The following PLPP3 variants were observed in gnomAD, a reference collection of about 807,000 sequenced individuals.
PLPP3 encodes the protein PAP2 beta.
In PLPP3, 6 loss-of-function variants were observed where a neutral mutation model predicts 29.6. The ratio of observed to expected loss-of-function variants is 0.20; its 90% confidence interval spans 0.11 to 0.40. The LOEUF (loss-of-function observed/expected upper bound fraction) is 0.40, where lower values mean the gene tolerates loss of function less well. Among genes scored for constraint, PLPP3 ranks in the 10% least tolerant of loss-of-function variants. The probability of loss-of-function intolerance (pLI) is 1.00; values close to 1 mark genes in which losing one functional copy is unlikely to be tolerated. For missense variants in PLPP3, 308 were observed against 407.7 expected (o/e 0.76, Z 2.11); for synonymous variants, 152 against 159.7 (o/e 0.95, Z 0.36).
chr1:56,577,057 G>A (rs1646241678), intron 1 of PLPP3, among the ~76,000 whole-genome samples: 1 of 152,192 alleles, frequency 6.6e-6, no homozygotes, highest in African/African-American at 2.4e-5. Flanking sequence ...TCACAAAGTA[G>A]GAGGTAGGAG....
rs370839108 is a variant in PLPP3 at position 56,562,817 on chromosome 1, CATCTT to C, written c.139+16056_139+16060del. ...TTTTCCATCTGTGTGTCCATCTTCT[CATCTT>C]GTCACCTTCTTCCTTAGGGCAGGTT... On this transcript the variant is annotated intron_variant, in intron 1 of 5. Coordinates refer to ENST00000371250, the MANE Select transcript of PLPP3 (RefSeq NM_003713.5). Among the ~76,000 whole-genome samples, 18 of 152,336 alleles carry C rather than the reference CATCTT, an allele frequency of 1.2e-4. No individual in the cohort carries two copies. The East Asian group carries it at 1.9e-3, about 16-fold the overall frequency.
intron 1 of PLPP3, among the ~76,000 whole-genome samples, chr1:56,561,249 G>T (rs1412940782): frequency 6.6e-6 from 1 of 151,500 alleles, no homozygotes; most frequent in Non-Finnish European, 1.5e-5. Context: ...TTTAATAGAA[G>T]CTATCATGGT....
rs1294280647 is a variant in PLPP3, at chr1:56,511,956, G to C, written c.810+20C>G. ...CAGTCCAGGGCTCCACTTGCATATTGAGGACAAGATGCTACTTACTATGCA... is the reference window on the plus strand; with the variant it reads ...CAGTCCAGGGCTCCACTTGCATATTCAGGACAAGATGCTACTTACTATGCA... On this transcript the variant is annotated intron_variant, in intron 5 of 5. Transcript: ENST00000371250. The C allele has an allele frequency of 1.2e-6, 2 of 1,612,612 alleles. No homozygotes were observed. Among genetic ancestry groups the C allele is most frequent in the Admixed American group, 3.3e-5 (2 of 59,808 alleles).
intron 1 of PLPP3, among the ~76,000 whole-genome samples, chr1:56,577,743 G>A (rs1396648607): frequency 1.3e-5 from 2 of 152,104 alleles, no homozygotes; most frequent in Non-Finnish European, 2.9e-5. Context: ...ACAGCTTCTG[G>A]ACCAAATCCG....
At chr1:56,572,989 T>G (rs1385351855) in intron 1 of PLPP3, among the ~76,000 whole-genome samples, 1 of 152,238 alleles carries the variant, frequency 6.6e-6, no homozygotes, top group Non-Finnish European at 1.5e-5. Context: ...TATGTCAGGA[T>G]TCAAACACAG....
At chr1:56,552,066 C>T (rs1261411) in intron 1 of PLPP3, among the ~76,000 whole-genome samples, 73,893 of 151,910 alleles carry the variant, frequency 0.49, 18,531 homozygotes, top group South Asian at 0.6. Context: ...ATGTTCTTTC[C>T]ATATTCCTAT....
rs962995897 is a variant in PLPP3 at position 56,495,008 on chromosome 1, A to G, written c.*1543T>C. On this transcript the variant is annotated 3_prime_UTR_variant, in exon 6 of 6. Coordinates refer to ENST00000371250, the MANE Select transcript of PLPP3 (RefSeq NM_003713.5). The stretch of plus-strand genomic sequence containing the variant: ...GTTGATATTTAAAAAAATTAACTCA[A>G]TGCTTTTTTAAGCAGCTAATGTAAA... 5.2e-5 allele frequency: 8 copies of G among 152,654 alleles called. No homozygotes were observed. Among genetic ancestry groups the G allele is most frequent in the African/African-American group, 1.9e-4 (8 of 41,458 alleles). 9.5% of individuals were successfully genotyped at this position (152,654 alleles called of 1,614,324 possible).
At chr1:56,561,907 C>T (rs564742473) in intron 1 of PLPP3, among the ~76,000 whole-genome samples, 7 of 151,832 alleles carry the variant, frequency 4.6e-5, no homozygotes, top group African/African-American at 7.2e-5. Flanking sequence ...TGGTAGCACA[C>T]GCCTGTAATC....
chr1:56,533,476 C>T (rs1645904376), intron 2 of PLPP3, among the ~76,000 whole-genome samples: 1 of 152,138 alleles, frequency 6.6e-6, no homozygotes, highest in South Asian at 2.1e-4. Context: ...GGAGGGTAGG[C>T]TGCAGAAGAC....
chr1:56,522,676 G>A (rs1645826720), intron 4 of PLPP3, among the ~76,000 whole-genome samples: 1 of 148,486 alleles, frequency 6.7e-6, no homozygotes, highest in African/African-American at 2.6e-5. Context: ...GGATTGGGGG[G>A]AAAAATAAAT....
chr1:56,569,407 C>T (rs1050038680), intron 1 of PLPP3, among the ~76,000 whole-genome samples: 2 of 151,792 alleles, frequency 1.3e-5, no homozygotes, highest in Admixed American at 1.3e-4. Context: ...CTCCTGACCT[C>T]GTGATCTGCC....
At chr1:56,556,652 C>T (rs1646078494) in intron 1 of PLPP3, among the ~76,000 whole-genome samples, 1 of 150,524 alleles carries the variant, frequency 6.6e-6, no homozygotes, top group Non-Finnish European at 1.5e-5. Context: ...GAGACCCTGT[C>T]TCAAAAGAAA....
intron 1 of PLPP3, among the ~76,000 whole-genome samples, chr1:56,542,133 T>C (rs1645974217): frequency 1.3e-5 from 2 of 152,116 alleles, no homozygotes; most frequent in Admixed American, 6.6e-5. Context: ...AAACACTTAA[T>C]GGGCATAAAA....
At chr1:56,523,738 C>A in intron 4 of PLPP3, 85 bp downstream of exon 4, 1 of 1,408,636 alleles carries the variant, frequency 7.1e-7, no homozygotes, top group Non-Finnish European at 1.0e-6. Context: ...TGATGGCATG[C>A]CCCTAAACTA....
In PLPP3 at chr1:56,524,582, G is replaced by A. The variant is rs1193930515; in HGVS notation, c.298-28C>T. ...AAAAGGAATCCAACAGGGGAATTAG[G>A]CAGTATCAAGATTCATCATCAACAC... On this transcript the variant is annotated intron_variant, in intron 2 of 5. Coordinates refer to ENST00000371250, the MANE Select transcript of PLPP3 (RefSeq NM_003713.5). The surrounding 1 kb of genome is among the most constrained non-coding windows in gnomAD (Gnocchi z 4.3). The A allele has an allele frequency of 6.3e-7, 1 of 1,594,596 alleles. No homozygotes were observed. Among genetic ancestry groups the A allele is most frequent in the Non-Finnish European group, 8.6e-7 (1 of 1,164,346 alleles).
chr1:56,566,800 C>T (rs1225644621), intron 1 of PLPP3, among the ~76,000 whole-genome samples: 1 of 152,250 alleles, frequency 6.6e-6, no homozygotes, highest in South Asian at 2.1e-4. Context: ...TATAGATCAA[C>T]TCATTATTCA....
At position 56,554,408 on chromosome 1, in the gene PLPP3, TAAA is replaced by T. The variant is rs1423097568; in HGVS notation, c.140-17299_140-17297del. On this transcript the variant is annotated intron_variant, in intron 1 of 5. Transcript: ENST00000371250. The stretch of plus-strand genomic sequence containing the variant: ...TAACACGGTGAAACCCTGACTCTAC[TAAA>T]AATACAAAAAATGAGCCGGGCGTGT... Among the ~76,000 whole-genome samples, 6 of 151,856 alleles carry T rather than the reference TAAA, an allele frequency of 4.0e-5. No homozygotes were observed. In the East Asian group the frequency reaches 1.2e-3, roughly 30 times the overall value.
chr1:56,513,245 A>G (rs568771045), intron 4 of PLPP3: 14 of 152,774 alleles, frequency 9.2e-5, no homozygotes, highest in Non-Finnish European at 1.5e-4. Flanking sequence ...AATGACGTCA[A>G]CTGGGCATTG....
At chr1:56,526,021 T>C (rs1420893165) in intron 2 of PLPP3, among the ~76,000 whole-genome samples, 2 of 152,164 alleles carry the variant, frequency 1.3e-5, no homozygotes, top group Non-Finnish European at 1.5e-5. Flanking sequence ...ACACAGTGAC[T>C]CTGTGTTCAT....
Sources: allele counts gnomAD v4.1 joint callset (sites outside exome capture counted in the v4.1 genomes callset), GRCh38; gene constraint gnomAD v4.1.1; non-coding constraint Gnocchi (gnomAD v3.1); transcripts MANE v1.5; gene names NCBI Gene and HGNC (gene_info 2026-07-23, HGNC 2026-07-21).